Variants in RGS8 observed in about 807,000 individuals in gnomAD.
RGS8 encodes the protein regulator of G protein signaling 8.
RGS8 carries 8 observed loss-of-function variants against 21.7 expected under a neutral mutation model. The ratio of observed to expected loss-of-function variants is 0.37; its 90% CI spans 0.22 to 0.66. The LOEUF (loss-of-function observed/expected upper bound fraction) is 0.66, where lower values mean the gene tolerates loss of function less well. Ranked by LOEUF, RGS8 falls within the 30% of genes least tolerant of loss-of-function variation. RGS8 has a pLI of 0.59. For synonymous variants in RGS8, 80 were observed against 83.6 expected, an observed-to-expected ratio of 0.96 and a Z score of 0.24; for missense variants, 157 against 217.9, an observed-to-expected ratio of 0.72 and a Z score of 1.76.
chr1:182,738,358 T>C, the RGS8 span, among the ~76,000 whole-genome samples: 7 of 152,232 alleles, frequency 4.6e-5, no homozygotes, highest in African/African-American at 1.7e-4. Context: ...CTTTATGACA[T>C]ATGTGAAGCA....
the RGS8 span, among the ~76,000 whole-genome samples, chr1:182,724,682 C>T: frequency 6.6e-6 from 1 of 152,036 alleles, no homozygotes; most frequent in Non-Finnish European, 1.5e-5. Context: ...CTCAGCCTTC[C>T]GAGTAGCTGG....
the RGS8 span, among the ~76,000 whole-genome samples, chr1:182,744,620 A>G: frequency 2.6e-5 from 4 of 152,210 alleles, no homozygotes; most frequent in Admixed American, 2.0e-4. Flanking sequence ...AGAGACAAAA[A>G]TACCACTGTG....
At chr1:182,706,070 C>T in the RGS8 span, among the ~76,000 whole-genome samples, 1 of 152,164 alleles carries the variant, frequency 6.6e-6, no homozygotes, top group Admixed American at 6.5e-5. Flanking sequence ...GCAACCTCTG[C>T]CTCCTGGGCT....
chr1:182,741,778 C>G, the RGS8 span, among the ~76,000 whole-genome samples: 1 of 101,564 alleles, frequency 9.8e-6, no homozygotes, highest in Non-Finnish European at 2.3e-5. Context: ...CCCTCCCGGA[C>G]GGGGCGGCTG....
upstream of RGS8, among the ~76,000 whole-genome samples, chr1:182,675,473 G>A (rs1456090024): frequency 6.6e-6 from 1 of 152,044 alleles, no homozygotes; most frequent in East Asian, 1.9e-4. Context: ...TACCACCAGA[G>A]TACCACTGAA....
At chr1:182,742,332 G>A in the RGS8 span, among the ~76,000 whole-genome samples, 7 of 151,642 alleles carry the variant, frequency 4.6e-5, no homozygotes, top group Admixed American at 2.6e-4. Context: ...CTTCCCAGAC[G>A]GGGTGGCGGC....
At chr1:182,704,141 C>A in the RGS8 span, among the ~76,000 whole-genome samples, 3 of 152,176 alleles carry the variant, frequency 2.0e-5, no homozygotes, top group Non-Finnish European at 4.4e-5. Context: ...GGAATTCAGA[C>A]GAATAGTGAT....
the RGS8 span, among the ~76,000 whole-genome samples, chr1:182,725,331 T>C: frequency 6.6e-6 from 1 of 152,222 alleles, no homozygotes; most frequent in Non-Finnish European, 1.5e-5. Context: ...AACAGACCCC[T>C]AAATATAACA....
chr1:182,652,586 C>A (rs922737738), intron 5 of RGS8, among the ~76,000 whole-genome samples: 1 of 152,230 alleles, frequency 6.6e-6, no homozygotes, highest in African/African-American at 2.4e-5. Context: ...ATAATGTCAT[C>A]TTCATTCATT....
At chr1:182,679,706 C>T (rs1468903806) in intron 1 of RGS8, among the ~76,000 whole-genome samples, 2 of 152,092 alleles carry the variant, frequency 1.3e-5, no homozygotes, top group African/African-American at 4.8e-5. Context: ...CTGAACATAC[C>T]CCTCAGATAT....
At position 182,666,050 on chromosome 1, in the gene RGS8, A is replaced by C. The variant is rs372033496; in HGVS notation, c.129-17T>G. 7 of 1,610,278 alleles carry C rather than the reference A, an allele frequency of 4.3e-6. No homozygotes were observed. The highest frequency in any genetic ancestry group is 5.9e-6 in the Non-Finnish European group (7 of 1,176,612). On this transcript the variant is annotated splice_polypyrimidine_tract_variant and intron_variant, in intron 4 of 6. Transcript: ENST00000483095. The stretch of plus-strand genomic sequence containing the variant: ...GATAATCTCCTAGAAAAAAAGAAAC[A>C]TCTGTCTTGAATGTTTCTGAAATAA...
chr1:182,747,708 T>A, the RGS8 span, among the ~76,000 whole-genome samples: 1 of 152,110 alleles, frequency 6.6e-6, no homozygotes, highest in African/African-American at 2.4e-5. Context: ...GAAAGCAACA[T>A]TGAAAGTTAG....
chr1:182,674,331 A>G (rs982687687), upstream of RGS8, among the ~76,000 whole-genome samples: 1 of 152,242 alleles, frequency 6.6e-6, no homozygotes, highest in Non-Finnish European at 1.5e-5. Flanking sequence ...CAAGAAGTCA[A>G]TAAGTCCAAT....
the RGS8 span, among the ~76,000 whole-genome samples, chr1:182,733,591 C>T: frequency 1.1e-4 from 17 of 152,286 alleles, no homozygotes; most frequent in African/African-American, 3.9e-4. Context: ...CTCAAATCTG[C>T]TGCCACACTG....
chr1:182,664,904 C>A, intron 5 of RGS8, among the ~76,000 whole-genome samples: 1 of 152,210 alleles, frequency 6.6e-6, no homozygotes, highest in Non-Finnish European at 1.5e-5. Flanking sequence ...AACTGCTCAT[C>A]AAATTGAAAG....
intron 5 of RGS8, among the ~76,000 whole-genome samples, chr1:182,665,213 C>A (rs1663794326): frequency 6.6e-6 from 1 of 152,196 alleles, no homozygotes. Flanking sequence ...TTCCTCAACC[C>A]TGCTCTGCCT....
At chr1:182,741,129 G>A in the RGS8 span, among the ~76,000 whole-genome samples, 14 of 151,304 alleles carry the variant, frequency 9.3e-5, no homozygotes, top group Non-Finnish European at 1.8e-4. Context: ...CAGTAGGCGC[G>A]GCCGGGCAGA....
At chr1:182,717,211 T>C in the RGS8 span, among the ~76,000 whole-genome samples, 2 of 152,326 alleles carry the variant, frequency 1.3e-5, no homozygotes, top group East Asian at 3.9e-4. Context: ...TATAATTGTA[T>C]GCAGTTAAAT....
chr1:182,657,086 C>A (rs1663316883), intron 5 of RGS8, among the ~76,000 whole-genome samples: 1 of 151,838 alleles, frequency 6.6e-6, no homozygotes, highest in Non-Finnish European at 1.5e-5. Context: ...CACTTGTTCC[C>A]CCACCCACCC....
Sources: gnomAD v4.1 joint callset for allele counts (sites outside exome capture counted in the v4.1 genomes callset) on GRCh38, gnomAD v4.1.1 for gene constraint, MANE v1.5 for transcripts, NCBI Gene and HGNC (gene_info 2026-07-23, HGNC 2026-07-21) for gene names.